Variants in CTNNA1 observed in about 807,000 individuals in gnomAD.
The protein encoded by CTNNA1 is catenin alpha 1.
In CTNNA1, 37 loss-of-function variants were observed where a neutral mutation model predicts 98.4. The ratio of observed to expected loss-of-function variants is 0.38; its 90% CI spans 0.29 to 0.49. The LOEUF (loss-of-function observed/expected upper bound fraction) is 0.49. CTNNA1 is among the 20% of genes least tolerant of loss of function. The pLI, the probability that CTNNA1 is intolerant of heterozygous loss-of-function variation, is 0.95. For missense variants in CTNNA1, 761 were observed against 1,147.2 expected (o/e 0.66, Z 4.86); for synonymous variants, 404 against 413.2 (o/e 0.98, Z 0.27).
chr5:138,931,163 C>T (rs1245571792), intron 16 of CTNNA1: 3 of 519,218 alleles, frequency 5.8e-6, no homozygotes, highest in Non-Finnish European at 1.0e-5. Context: ...GCTATTGTCT[C>T]TTATGTCTCA....
intron 3 of CTNNA1, among the ~76,000 whole-genome samples, chr5:138,799,210 G>A (rs1757283585): frequency 1.3e-5 from 2 of 152,180 alleles, no homozygotes; most frequent in African/African-American, 4.8e-5. Context: ...GCCCAGGCTG[G>A]AGTGCAATGG....
At chr5:138,861,375 T>G (rs981736594) in intron 7 of CTNNA1, among the ~76,000 whole-genome samples, 5 of 152,234 alleles carry the variant, frequency 3.3e-5, no homozygotes, top group African/African-American at 1.2e-4. Flanking sequence ...ATGAAATAGT[T>G]ACTAGTGCCT....
intron 7 of CTNNA1, among the ~76,000 whole-genome samples, chr5:138,848,257 T>C (rs1762900103): frequency 6.6e-6 from 1 of 152,262 alleles, no homozygotes; most frequent in Non-Finnish European, 1.5e-5. Context: ...TAATGGTGCC[T>C]ATGCACCCAT....
At chr5:138,814,048 G>T (rs992363277) in intron 5 of CTNNA1, among the ~76,000 whole-genome samples, 3 of 152,170 alleles carry the variant, frequency 2.0e-5, no homozygotes, top group Non-Finnish European at 2.9e-5. Context: ...TATATGTACA[G>T]TGTTTAATAT....
chr5:138,851,270 T>C (rs1165722415), intron 7 of CTNNA1, among the ~76,000 whole-genome samples: 3 of 152,224 alleles, frequency 2.0e-5, no homozygotes, highest in Non-Finnish European at 2.9e-5. Flanking sequence ...GGCATTCTTG[T>C]GCCTGATCTC....
rs1323713792 is a variant in CTNNA1 at position 138,808,397 on chromosome 5, C to T, written c.302-1641C>T. Among the ~76,000 whole-genome samples, 9 of 152,156 alleles carry T rather than the reference C, an allele frequency of 5.9e-5. No homozygotes were observed. In the South Asian group the frequency reaches 8.3e-4, roughly 14 times the overall value. On this transcript the variant is annotated intron_variant, in intron 3 of 17. Transcript: ENST00000302763. ...CCAGAAGATACTAGCATTAATGTTACGAATCCACATAATGATTGCCATATG... is the reference window on the plus strand; with the variant it reads ...CCAGAAGATACTAGCATTAATGTTATGAATCCACATAATGATTGCCATATG...
At chr5:138,864,249 G>C (rs1328133556) in intron 7 of CTNNA1, among the ~76,000 whole-genome samples, 4 of 152,126 alleles carry the variant, frequency 2.6e-5, no homozygotes, top group Non-Finnish European at 4.4e-5. Flanking sequence ...ACTGCACCTG[G>C]CCTTTTCTTT....
chr5:138,837,006 C>T (rs1048704609), intron 7 of CTNNA1, among the ~76,000 whole-genome samples: 1 of 152,162 alleles, frequency 6.6e-6, no homozygotes, highest in Non-Finnish European at 1.5e-5. Flanking sequence ...TATAATCATA[C>T]ACCGTGTTCA....
chr5:138,901,987 A>T (rs572222466), intron 9 of CTNNA1, among the ~76,000 whole-genome samples: 6 of 152,304 alleles, frequency 3.9e-5, no homozygotes, highest in African/African-American at 1.4e-4. Flanking sequence ...ACTGTTAGTG[A>T]CAGGCACTCC....
intron 7 of CTNNA1, among the ~76,000 whole-genome samples, chr5:138,839,054 G>A (rs1362855912): frequency 6.6e-6 from 1 of 152,114 alleles, no homozygotes; most frequent in Admixed American, 6.5e-5. Context: ...TTCTTGCTAT[G>A]TTTCTGTTAC....
chr5:138,877,419 A>T (rs1328367797), intron 7 of CTNNA1, among the ~76,000 whole-genome samples: 1 of 151,452 alleles, frequency 6.6e-6, no homozygotes, highest in Admixed American at 6.6e-5. Context: ...CAGTAGTCTC[A>T]TAGGAGTGGT....
chr5:138,769,382 A>G (rs1244488794), intron 1 of CTNNA1, among the ~76,000 whole-genome samples: 4 of 149,970 alleles, frequency 2.7e-5, no homozygotes, highest in Admixed American at 1.3e-4. Flanking sequence ...TTTTTGGGTT[A>G]TTATTATTAT....
intron 1 of CTNNA1, among the ~76,000 whole-genome samples, chr5:138,757,500 G>T (rs913435544): frequency 3.9e-5 from 6 of 152,134 alleles, no homozygotes; most frequent in African/African-American, 1.4e-4. Context: ...GATGTTGGGG[G>T]CCTAGGGTAA....
intron 3 of CTNNA1, 104 bp downstream of exon 3, chr5:138,783,476 A>G (rs992900804): frequency 1.7e-5 from 15 of 905,100 alleles, no homozygotes; most frequent in Admixed American, 5.0e-5. Flanking sequence ...ATGCTTGCCA[A>G]TTGCTCAGTA....
intron 16 of CTNNA1, chr5:138,932,292 G>T (rs1028516043): frequency 3.4e-6 from 4 of 1,185,042 alleles, no homozygotes; most frequent in Non-Finnish European, 4.2e-6. Flanking sequence ...TTTCCCCGCC[G>T]TCATAGGAGG....
chr5:138,755,948 C>T (rs1417475346), intron 1 of CTNNA1, among the ~76,000 whole-genome samples: 2 of 142,496 alleles, frequency 1.4e-5, no homozygotes, highest in African/African-American at 2.6e-5. Context: ...GCAAACTCCA[C>T]CTCCTGGGGA....
intron 13 of CTNNA1, among the ~76,000 whole-genome samples, chr5:138,926,457 A>G (rs530867176): frequency 2.0e-4 from 30 of 152,344 alleles, no homozygotes; most frequent in Middle Eastern, 3.4e-3. Context: ...CTGCCCTGCA[A>G]CAGGCGTCCA....
intron 1 of CTNNA1, among the ~76,000 whole-genome samples, chr5:138,771,497 T>G (rs1410378252): frequency 6.6e-6 from 1 of 152,140 alleles, no homozygotes; most frequent in Non-Finnish European, 1.5e-5. Flanking sequence ...TTCTCCCATC[T>G]CAGCCTCCTG....
chr5:138,909,726 T>C (rs1046599025), intron 10 of CTNNA1, among the ~76,000 whole-genome samples: 3 of 152,210 alleles, frequency 2.0e-5, no homozygotes, highest in African/African-American at 7.2e-5. Flanking sequence ...CCTAGATTTA[T>C]CTTCCATATT....
Sources: allele counts gnomAD v4.1 joint callset (sites outside exome capture counted in the v4.1 genomes callset), GRCh38; gene constraint gnomAD v4.1.1; transcripts MANE v1.5; gene names NCBI Gene and HGNC (gene_info 2026-07-23, HGNC 2026-07-21).